Variants in INPP4B observed in about 807,000 individuals in gnomAD.
The protein encoded by INPP4B is inositol polyphosphate 4-phosphatase type II.
In INPP4B, 55 loss-of-function variants were observed where a neutral mutation model predicts 122.5. The observed-to-expected ratio is 0.45, with a 90% confidence interval of 0.36 to 0.56. The LOEUF is 0.56. Ranked by LOEUF, INPP4B falls within the 20% of genes least tolerant of loss-of-function variation. The pLI is 0.00. For missense variants in INPP4B, 1,000 were observed against 1,097.7 expected (o/e 0.91, Z 1.26); for synonymous variants, 403 against 388.7 (o/e 1.04, Z -0.43).
rs1408540684 is a variant in INPP4B, at chr4:142,124,663, G to A, written c.1818C>T (p.Leu606=). The change falls in exon 19 of 26, where the codon CTC becomes CTT. Residue 606 remains leucine (L), a synonymous_variant. Transcript: ENST00000262992. The stretch of plus-strand genomic sequence containing the variant: ...GCAAGCTGTACGCAAGTTCCTGAAG[G>A]AGCACAAATGTCAGGGACTGCTTGG... ...NRAKQSLTFV[L]LQELAYSLPQ... The A allele has an allele frequency of 5.0e-6, 8 of 1,613,420 alleles. No homozygotes were observed. Among genetic ancestry groups the A allele is most frequent in the Non-Finnish European group, 5.1e-6 (6 of 1,179,638 alleles).
At chr4:142,220,670 C>T (rs1849001076) in intron 12 of INPP4B, among the ~76,000 whole-genome samples, 1 of 152,086 alleles carries the variant, frequency 6.6e-6, no homozygotes, top group African/African-American at 2.4e-5. Flanking sequence ...CTAAGACTGC[C>T]ATAAGAAAAT....
At position 142,306,337 on chromosome 4, in the gene INPP4B, A is replaced by T. The variant is rs113533636; in HGVS notation, c.424-800T>A. 7.2e-5 allele frequency among the ~76,000 whole-genome samples: 11 copies of T among 152,156 alleles called. 1 individual carries two copies. Among genetic ancestry groups the T allele is most frequent in the African/African-American group, 2.6e-4 (11 of 41,528 alleles). On this transcript the variant is annotated intron_variant, in intron 8 of 25. Coordinates refer to ENST00000262992, the MANE Select transcript of INPP4B (RefSeq NM_001101669.3). ...ACAATATTATGGGATAAATAACATGAAAAAGAGCTCTCATTCTTCCCTTAA... is the reference window on the plus strand; with the variant it reads ...ACAATATTATGGGATAAATAACATGTAAAAGAGCTCTCATTCTTCCCTTAA...
chr4:142,171,329 A>G (rs1342328520), intron 16 of INPP4B, among the ~76,000 whole-genome samples: 1 of 151,860 alleles, frequency 6.6e-6, no homozygotes, highest in Non-Finnish European at 1.5e-5. Flanking sequence ...TGCTATATGG[A>G]TTAGTCCCTA....
At chr4:142,155,331 T>C (rs2152885321) in intron 17 of INPP4B, among the ~76,000 whole-genome samples, 1 of 152,290 alleles carries the variant, frequency 6.6e-6, no homozygotes, top group Admixed American at 6.5e-5. Context: ...GCATTATGCA[T>C]GGTCTCAATG....
chr4:142,837,189 A>G (rs1782905300), intron 1 of INPP4B, among the ~76,000 whole-genome samples: 1 of 143,362 alleles, frequency 7.0e-6, no homozygotes, highest in Admixed American at 6.7e-5. Flanking sequence ...ATAATAATAA[A>G]GGAAAACCAA....
At chr4:142,205,382 T>G (rs1475364961) in intron 14 of INPP4B, among the ~76,000 whole-genome samples, 1 of 152,134 alleles carries the variant, frequency 6.6e-6, no homozygotes, top group African/African-American at 2.4e-5. Context: ...CCTTATTCCA[T>G]CAGTCAGTAA....
chr4:142,792,785 G>A (rs1234367937), intron 1 of INPP4B, among the ~76,000 whole-genome samples: 1 of 152,046 alleles, frequency 6.6e-6, no homozygotes, highest in African/African-American at 2.4e-5. Context: ...AAGGGTTGAT[G>A]TGAAAACAAT....
chr4:142,278,816 T>C (rs1749843608), intron 9 of INPP4B, among the ~76,000 whole-genome samples: 1 of 151,874 alleles, frequency 6.6e-6, no homozygotes, highest in Non-Finnish European at 1.5e-5. Flanking sequence ...AAGTTGTGCA[T>C]GGAAAGATCT....
intron 12 of INPP4B, among the ~76,000 whole-genome samples, chr4:142,227,974 A>G (rs1166269861): frequency 6.6e-6 from 1 of 151,914 alleles, no homozygotes; most frequent in Non-Finnish European, 1.5e-5. Flanking sequence ...CAAAATTTCT[A>G]ACATCTTCAA....
At chr4:142,809,854 T>C (rs1237483259) in intron 1 of INPP4B, among the ~76,000 whole-genome samples, 1 of 151,920 alleles carries the variant, frequency 6.6e-6, no homozygotes, top group Non-Finnish European at 1.5e-5. Context: ...ATCCACGGGA[T>C]ATTACATGGC....
intron 24 of INPP4B, among the ~76,000 whole-genome samples, chr4:142,083,244 C>T (rs1199363324): frequency 3.3e-5 from 5 of 152,094 alleles, no homozygotes; most frequent in Non-Finnish European, 7.4e-5. Flanking sequence ...CATAACAGAG[C>T]AGAACCAGGA....
At chr4:142,139,976 C>A (rs1806889932) in intron 18 of INPP4B, among the ~76,000 whole-genome samples, 1 of 152,066 alleles carries the variant, frequency 6.6e-6, no homozygotes, top group South Asian at 2.1e-4. Context: ...AGCAACTGGC[C>A]CAGATGATTG....
At chr4:142,482,615 G>A (rs1039508962) in intron 2 of INPP4B, among the ~76,000 whole-genome samples, 2 of 152,130 alleles carry the variant, frequency 1.3e-5, no homozygotes, top group East Asian at 1.9e-4. Context: ...TTCTCTAAGA[G>A]ACACTGATTA....
intron 4 of INPP4B, among the ~76,000 whole-genome samples, chr4:142,430,106 T>C (rs1211637873): frequency 6.6e-6 from 1 of 152,134 alleles, no homozygotes; most frequent in African/African-American, 2.4e-5. Flanking sequence ...AGATACTATT[T>C]AAATTTACTG....
chr4:142,425,532 C>G (rs555640454), intron 5 of INPP4B, among the ~76,000 whole-genome samples: 2 of 151,872 alleles, frequency 1.3e-5, no homozygotes, highest in African/African-American at 2.4e-5. Flanking sequence ...TTATAAGAAC[C>G]CTATTATGTG....
chr4:142,482,169 A>G (rs1199677879), intron 2 of INPP4B, among the ~76,000 whole-genome samples: 1 of 152,106 alleles, frequency 6.6e-6, no homozygotes, highest in Non-Finnish European at 1.5e-5. Flanking sequence ...GGAATTTTAT[A>G]TATATTGCTA....
chr4:142,532,472 C>T lies in INPP4B; in HGVS notation c.-190-69746G>A, dbSNP rs566931403. ...CCAAGGAGGTGAAATCTTTCCATTA[C>T]ATGCTCTGATCATCCCTGGCTTCCC... On this transcript the variant is annotated intron_variant, in intron 2 of 25. Coordinates refer to ENST00000262992, the MANE Select transcript of INPP4B (RefSeq NM_001101669.3). Among the ~76,000 whole-genome samples the T allele has an allele frequency of 9.7e-4, 148 of 152,202 alleles. 1 individual carries two copies. The highest frequency in any genetic ancestry group is 3.5e-3 in the African/African-American group (145 of 41,536).
chr4:142,032,778 G>A (rs371185034), intron 25 of INPP4B, among the ~76,000 whole-genome samples: 7 of 152,052 alleles, frequency 4.6e-5, no homozygotes, highest in South Asian at 4.1e-4. Flanking sequence ...GTATATCATC[G>A]AACTGCTATG....
intron 2 of INPP4B, among the ~76,000 whole-genome samples, chr4:142,546,559 C>T (rs571028884): frequency 6.6e-6 from 1 of 152,194 alleles, no homozygotes; most frequent in East Asian, 1.9e-4. Context: ...TCTTGATATG[C>T]CACTAATAAG....
Sources: allele counts gnomAD v4.1 joint callset (sites outside exome capture counted in the v4.1 genomes callset), GRCh38; gene constraint gnomAD v4.1.1; transcripts MANE v1.5; gene names NCBI Gene and HGNC (gene_info 2026-07-23, HGNC 2026-07-21).